Variants in CDH8 observed in about 807,000 individuals in gnomAD.
The protein encoded by CDH8 is cadherin-8.
Under a neutral mutation model 68.1 loss-of-function variants are expected in CDH8, and 17 were observed. That is an observed-to-expected ratio of 0.25 (90% confidence interval 0.17 to 0.37). The LOEUF (loss-of-function observed/expected upper bound fraction) is 0.37, where lower values mean the gene tolerates loss of function less well. Among genes scored for constraint, CDH8 ranks in the 10% least tolerant of loss-of-function variants. The pLI, the probability that CDH8 is intolerant of heterozygous loss-of-function variation, is 1.00. For synonymous variants in CDH8, 372 were observed against 365.1 expected, an observed-to-expected ratio of 1.02 and a Z score of -0.21; for missense variants, 763 against 999.3, an observed-to-expected ratio of 0.76 and a Z score of 3.19.
intron 2 of CDH8, among the ~76,000 whole-genome samples, chr16:62,018,530 C>T (rs61503175): frequency 1.5e-3 from 224 of 152,270 alleles, no homozygotes; most frequent in African/African-American, 5.1e-3. Flanking sequence ...AGATCATCTT[C>T]GCACTCAGCC....
intron 7 of CDH8, among the ~76,000 whole-genome samples, chr16:61,800,261 T>G (rs969147818): frequency 1.3e-5 from 2 of 152,216 alleles, no homozygotes; most frequent in Non-Finnish European, 2.9e-5. Flanking sequence ...AAATATTTTT[T>G]ACCAAAAATG....
intron 10 of CDH8, among the ~76,000 whole-genome samples, chr16:61,703,782 G>A (rs1964479468): frequency 6.6e-6 from 1 of 152,146 alleles, no homozygotes. Flanking sequence ...GGAGCTTGCA[G>A]TGAGCCGAGA....
At chr16:61,980,313 A>G (rs1166309518) in intron 2 of CDH8, among the ~76,000 whole-genome samples, 1 of 152,208 alleles carries the variant, frequency 6.6e-6, no homozygotes, top group Non-Finnish European at 1.5e-5. Flanking sequence ...AGGCAGCACA[A>G]TGTGAATGGT....
At chr16:61,702,998 G>T (rs1312254314) in intron 10 of CDH8, among the ~76,000 whole-genome samples, 1 of 152,144 alleles carries the variant, frequency 6.6e-6, no homozygotes, top group Non-Finnish European at 1.5e-5. Context: ...TTTAGACATT[G>T]ATTTTTCTTG....
chr16:61,824,774 G>A (rs1962291589), intron 5 of CDH8, among the ~76,000 whole-genome samples: 1 of 151,938 alleles, frequency 6.6e-6, no homozygotes, highest in African/African-American at 2.4e-5. Context: ...ACAACTTGCA[G>A]TCAGACATAC....
chr16:61,746,370 A>G (rs1960020869), intron 8 of CDH8, among the ~76,000 whole-genome samples: 1 of 151,978 alleles, frequency 6.6e-6, no homozygotes, highest in South Asian at 2.1e-4. Context: ...CTCTGAAAGG[A>G]ATACGCAGTG....
chr16:61,924,975 G>T lies in CDH8; in HGVS notation c.253-23502C>A, dbSNP rs542514232. Among the ~76,000 whole-genome samples the T allele has an allele frequency of 2.8e-4, 43 of 152,144 alleles. 2 individuals carry two copies. In the South Asian group the frequency reaches 7.9e-3, roughly 28 times the overall value. ...TAATGTAAATATCAACCAGGTAGAGGGTGTTACTCTGTATTAGCATCCAGA... is the reference window on the plus strand; with the variant it reads ...TAATGTAAATATCAACCAGGTAGAGTGTGTTACTCTGTATTAGCATCCAGA... On this transcript the variant is annotated intron_variant, in intron 2 of 11. Coordinates refer to ENST00000577390, the MANE Select transcript of CDH8 (RefSeq NM_001796.5).
rs545670875 is a variant in CDH8 at position 61,820,314 on chromosome 16, GTTTTTTTT to G, written c.1023+604_1023+611del. Among the ~76,000 whole-genome samples, 27 of 90,776 alleles carry G rather than the reference GTTTTTTTT, an allele frequency of 3.0e-4. 1 individual carries two copies. In the South Asian group the frequency reaches 9.8e-3, roughly 33 times the overall value. 59.6% of individuals were successfully genotyped at this position (90,776 alleles called of 152,430 possible). On this transcript the variant is annotated intron_variant, in intron 6 of 11. Transcript: ENST00000577390. ...TGAACCTGAATGTTCTGCCTGTTTGGTTTTTTTTTTTTTTTTTTTTTTTTTTAGTTTCC... is the reference window on the plus strand; with the variant it reads ...TGAACCTGAATGTTCTGCCTGTTTGGTTTTTTTTTTTTTTTTTTAGTTTCC...
chr16:61,698,136 A>C (rs1964361836), intron 10 of CDH8, among the ~76,000 whole-genome samples: 1 of 152,226 alleles, frequency 6.6e-6, no homozygotes, highest in African/African-American at 2.4e-5. Context: ...GCATTCACTC[A>C]TTTAACAGTC....
chr16:61,789,258 C>G lies in CDH8; in HGVS notation c.1414+88G>C, dbSNP rs566669954. On this transcript the variant is annotated intron_variant, in intron 8 of 11. Coordinates refer to ENST00000577390, the MANE Select transcript of CDH8 (RefSeq NM_001796.5). ...TAAGTTCCAATGTCAAGGTACCTAA[C>G]AGAAACAGGGGCTGCTTATCACGTT... 2.2e-5 allele frequency: 27 copies of G among 1,246,348 alleles called. No homozygotes were observed. In the South Asian group the frequency reaches 3.2e-4, roughly 15 times the overall value. The allele number at this position is 1,246,348 out of a possible 1,614,324, so 77.2% of individuals were successfully genotyped here.
At chr16:61,945,337 G>T (rs1964784590) in intron 2 of CDH8, among the ~76,000 whole-genome samples, 1 of 150,804 alleles carries the variant, frequency 6.6e-6, no homozygotes, top group African/African-American at 2.4e-5. Flanking sequence ...TTAAAAAACG[G>T]TTATTACTGC....
intron 3 of CDH8, 183 bp downstream of exon 3, chr16:61,900,996 C>A (rs1963959908): frequency 3.5e-6 from 2 of 564,122 alleles, no homozygotes. Flanking sequence ...TCCATCAGTT[C>A]CTGTTACTAA....
In CDH8 at chr16:61,779,624, T is replaced by C. The variant is rs184870789; in HGVS notation, c.1414+9722A>G. Among the ~76,000 whole-genome samples, 62 of 152,270 alleles carry C rather than the reference T, an allele frequency of 4.1e-4. No individual in the cohort carries two copies. The East Asian group carries it at 0.011, about 28-fold the overall frequency. On this transcript the variant is annotated intron_variant, in intron 8 of 11. Transcript: ENST00000577390. ...GGCAATTCTAATCAATGGTCTGCTT[T>C]GAAAAACAGCCTTCTAAAATGTACT...
Position 61,958,232 on chromosome 16 carries a change from T to C in CDH8, c.253-56759A>G, listed in dbSNP as rs549959129. Among the ~76,000 whole-genome samples, 21 of 152,226 alleles carry C rather than the reference T, an allele frequency of 1.4e-4. No individual in the cohort carries two copies. The South Asian group carries it at 2.9e-3, about 21-fold the overall frequency. Reference sequence around the variant, plus strand: ...GGCTGATGATAGCCTAGGTGGACCATCTGGGGTTGAGCTAAATAAAAGAAT... The same window carrying C: ...GGCTGATGATAGCCTAGGTGGACCACCTGGGGTTGAGCTAAATAAAAGAAT... On this transcript the variant is annotated intron_variant, in intron 2 of 11. Transcript: ENST00000577390.
At chr16:61,983,809 T>TCTGGCTTACAGATGG (rs750296018) in intron 2 of CDH8, among the ~76,000 whole-genome samples, 9 of 151,902 alleles carry the variant, frequency 5.9e-5, no homozygotes, top group Non-Finnish European at 1.2e-4. Flanking sequence ...GGGCTCTCTT[T>TCTGGCTTACAGATGG]CTGGCTTACA....
chr16:61,798,617 G>A (rs1355861444), intron 7 of CDH8, among the ~76,000 whole-genome samples: 2 of 152,108 alleles, frequency 1.3e-5, no homozygotes, highest in Non-Finnish European at 2.9e-5. Flanking sequence ...AATCATCTTG[G>A]CAGCTGTGTG....
At chr16:61,773,874 G>A (rs1960844276) in intron 8 of CDH8, among the ~76,000 whole-genome samples, 2 of 152,146 alleles carry the variant, frequency 1.3e-5, no homozygotes, top group African/African-American at 4.8e-5. Flanking sequence ...GAAAATATCA[G>A]CATTACAAGT....
chr16:62,030,601 T>C (rs567491596), intron 1 of CDH8, among the ~76,000 whole-genome samples: 1 of 152,194 alleles, frequency 6.6e-6, no homozygotes, highest in Non-Finnish European at 1.5e-5. Flanking sequence ...GTATCATTTA[T>C]GTCACATCTA....
intron 2 of CDH8, among the ~76,000 whole-genome samples, chr16:61,917,393 C>G (rs1489547864): frequency 1.3e-5 from 2 of 152,166 alleles, no homozygotes; most frequent in Admixed American, 6.5e-5. Flanking sequence ...AGCCTGGGCT[C>G]TGTTCCTGTC....
Sources: allele counts gnomAD v4.1 joint callset (sites outside exome capture counted in the v4.1 genomes callset), GRCh38; gene constraint gnomAD v4.1.1; transcripts MANE v1.5; gene names NCBI Gene and HGNC (gene_info 2026-07-23, HGNC 2026-07-21).